RIPOR2: variants seen among roughly 807,000 people sequenced by gnomAD.
RIPOR2 encodes rho family-interacting cell polarization regulator 2.
In RIPOR2, 39 loss-of-function variants were observed where a neutral mutation model predicts 114.5. That is an observed-to-expected ratio of 0.34 (90% CI 0.26 to 0.44). The LOEUF is 0.44. RIPOR2 is among the 20% of genes least tolerant of loss of function. RIPOR2 has a pLI of 1.00. For synonymous variants in RIPOR2, 445 were observed against 484.4 expected, an observed-to-expected ratio of 0.92 and a Z score of 1.07; for missense variants, 1,007 against 1,255.1, an observed-to-expected ratio of 0.80 and a Z score of 2.99.
chr6:24,825,102 G>A, intron 19 of RIPOR2, 124 bp downstream of exon 19: 2 of 725,424 alleles, frequency 2.8e-6, no homozygotes, highest in Non-Finnish European at 2.2e-6. Flanking sequence ...ATTGCTTTAT[G>A]GAGCACACAT....
At chr6:24,853,364 C>T (rs1193048152) in intron 8 of RIPOR2, among the ~76,000 whole-genome samples, 1 of 152,196 alleles carries the variant, frequency 6.6e-6, no homozygotes, top group Non-Finnish European at 1.5e-5. Context: ...GGCCACCATC[C>T]GAGGCCATCT....
At chr6:24,940,032 T>C (rs1415204252), upstream of RIPOR2, among the ~76,000 whole-genome samples, 3 of 152,200 alleles carry the variant, frequency 2.0e-5, no homozygotes, top group East Asian at 3.8e-4. Context: ...TGGAGAATAG[T>C]AATGAATACC....
rs1474945868 is a variant in RIPOR2 at position 24,830,604 on chromosome 6, C to A, written c.2411G>T (p.Gly804Val). The A allele has an allele frequency of 7.7e-6, 12 of 1,551,514 alleles. No homozygotes were observed. Among genetic ancestry groups the A allele is most frequent in the Middle Eastern group, 1.7e-4 (1 of 5,866 alleles). ...TCTGTCCGCTGGGCTGTGGTAGACA[C>A]CAACAGGGCTGCAGCACTTGGTCCA... ...SFWTKCCSPVGVYHSPADRVM... is the reference protein window; with the variant it reads ...SFWTKCCSPVVVYHSPADRVM... The change falls in exon 17 of 22, where the codon GGT becomes GTT. Residue 804 changes from glycine (G) to valine (V), a missense_variant. By Grantham distance (109) the Gly-to-Val change is moderately radical (BLOSUM62 -3). Coordinates refer to ENST00000643898, the MANE Select transcript of RIPOR2 (RefSeq NM_001286445.3).
intron 1 of RIPOR2, among the ~76,000 whole-genome samples, chr6:24,881,014 C>A (rs1466288339): frequency 3.9e-5 from 6 of 152,106 alleles, no homozygotes; most frequent in Admixed American, 1.3e-4. Context: ...GAGGCCGAGG[C>A]GGGTGGATCA....
intron 1 of RIPOR2, among the ~76,000 whole-genome samples, chr6:24,988,833 A>G (rs1354225980): frequency 6.6e-6 from 1 of 152,172 alleles, no homozygotes; most frequent in East Asian, 1.9e-4. Flanking sequence ...TCATTTACAT[A>G]TTATCTATGG....
chr6:24,852,473 T>TA (rs878977895), intron 9 of RIPOR2, 102 bp downstream of exon 9: 31,561 of 698,802 alleles, frequency 0.045, no homozygotes, highest in East Asian at 0.057. Context: ...AATTAAAAAT[T>TA]AAAAAAAAAA....
chr6:24,857,489 C>G (rs1232023933), intron 8 of RIPOR2, among the ~76,000 whole-genome samples: 3 of 152,162 alleles, frequency 2.0e-5, no homozygotes, highest in Non-Finnish European at 4.4e-5. Flanking sequence ...ACAGCAGCTG[C>G]CTACTCTTGC....
Position 24,849,954 on chromosome 6 carries a change from G to A in RIPOR2, c.886-4C>T. ...CTAGCCCTTTGAGCTCCGTGACCTA[G>A]CAGAGAGAGTGGGAGAGAATAGGCC... is the stretch of plus-strand genomic sequence containing the variant. On this transcript the variant is annotated splice_region_variant and splice_polypyrimidine_tract_variant and intron_variant, in intron 10 of 21. Transcript: ENST00000643898. The A allele has an allele frequency of 6.2e-7, 1 of 1,613,048 alleles. No individual in the cohort carries two copies. The highest frequency in any genetic ancestry group is 8.5e-7 in the Non-Finnish European group (1 of 1,179,224).
rs368245304 is a variant in RIPOR2 at position 24,832,765 on chromosome 6, A to G, written c.2209-374T>C. 9.2e-5 allele frequency among the ~76,000 whole-genome samples: 14 copies of G among 152,156 alleles called. No individual in the cohort carries two copies. The South Asian group carries it at 2.9e-3, about 32-fold the overall frequency. On this transcript the variant is annotated intron_variant, in intron 15 of 21. Coordinates refer to ENST00000643898, the MANE Select transcript of RIPOR2 (RefSeq NM_001286445.3). ...ATAGATTTGTCTTACAAATGCAGTA[A>G]TTTTTCACAGCATGGTTTTATTTTT...
chr6:24,820,444 C>G (rs1759580479), intron 19 of RIPOR2, among the ~76,000 whole-genome samples: 2 of 152,304 alleles, frequency 1.3e-5, no homozygotes, highest in Admixed American at 6.5e-5. Context: ...AGTATATTCA[C>G]AAATCATCCC....
At chr6:24,932,644 C>T (rs1467993127) in intron 1 of RIPOR2, among the ~76,000 whole-genome samples, 1 of 152,066 alleles carries the variant, frequency 6.6e-6, no homozygotes, top group Admixed American at 6.6e-5. Context: ...CTTCCCAGAT[C>T]TTTATAGTGT....
At chr6:24,824,177 T>A (rs951768782) in intron 19 of RIPOR2, among the ~76,000 whole-genome samples, 2 of 152,220 alleles carry the variant, frequency 1.3e-5, no homozygotes, top group Non-Finnish European at 2.9e-5. Flanking sequence ...GCTACCAGCA[T>A]GTTCACGATT....
intron 1 of RIPOR2, among the ~76,000 whole-genome samples, chr6:24,885,627 C>T (rs529435136): frequency 3.0e-4 from 46 of 152,250 alleles, no homozygotes; most frequent in Admixed American, 7.2e-4. Flanking sequence ...TTGGGTTCTA[C>T]AGCTACAGCT....
intron 14 of RIPOR2, 137 bp downstream of exon 14, chr6:24,838,954 C>T (rs1761365520): frequency 3.1e-6 from 2 of 647,204 alleles, no homozygotes; most frequent in Admixed American, 3.1e-5. Context: ...TAAAAAGGAA[C>T]TGTAAGCCAA....
chr6:24,922,232 T>G (rs994975348), intron 1 of RIPOR2, among the ~76,000 whole-genome samples: 14 of 152,214 alleles, frequency 9.2e-5, no homozygotes, highest in African/African-American at 3.1e-4. Flanking sequence ...GCTATTCATC[T>G]CTAGAGGAGC....
At chr6:24,988,116 A>G (rs1477431715) in intron 1 of RIPOR2, among the ~76,000 whole-genome samples, 1 of 152,252 alleles carries the variant, frequency 6.6e-6, no homozygotes, top group Non-Finnish European at 1.5e-5. Flanking sequence ...GATCAATAAA[A>G]TAAGAACTAA....
chr6:24,868,502 G>A (rs1244343461), intron 6 of RIPOR2, among the ~76,000 whole-genome samples: 2 of 152,228 alleles, frequency 1.3e-5, no homozygotes, highest in African/African-American at 4.8e-5. Flanking sequence ...ACAAGGGGGT[G>A]ATAGTCAGCC....
At chr6:24,908,453 A>G (rs989340044) in intron 1 of RIPOR2, among the ~76,000 whole-genome samples, 4 of 152,220 alleles carry the variant, frequency 2.6e-5, no homozygotes, top group South Asian at 2.1e-4. Context: ...GCCTTTGTCT[A>G]TATTTTAGTC....
chr6:25,034,370 G>T (rs919124709), intron 1 of RIPOR2, among the ~76,000 whole-genome samples: 2 of 152,138 alleles, frequency 1.3e-5, no homozygotes, highest in Non-Finnish European at 2.9e-5. Context: ...ATGTTCTTAC[G>T]CAGTGAAACA....
Sources: allele counts gnomAD v4.1 joint callset (sites outside exome capture counted in the v4.1 genomes callset), GRCh38; gene constraint gnomAD v4.1.1; transcripts MANE v1.5; gene names NCBI Gene and HGNC (gene_info 2026-07-23, HGNC 2026-07-21).